Variants in MTX2 observed in about 807,000 individuals in gnomAD.
The protein encoded by MTX2 is metaxin 2, also known as metaxin-2.
MTX2 carries 35 observed loss-of-function variants against 42.3 expected under a neutral mutation model. That is an observed-to-expected ratio of 0.83 (90% CI 0.63 to 1.10). The LOEUF (loss-of-function observed/expected upper bound fraction) is 1.10, where lower values mean the gene tolerates loss of function less well. MTX2 is among the 50% of genes least tolerant of loss of function. The probability of loss-of-function intolerance (pLI) is 0.00; values close to 1 mark genes in which losing one functional copy is unlikely to be tolerated. For synonymous variants in MTX2, 119 were observed against 100.9 expected (o/e 1.18, Z -1.08); for missense variants, 307 against 304.1 (o/e 1.01, Z -0.07).
At chr2:176,279,492 A>G (rs921772378) in intron 1 of MTX2, among the ~76,000 whole-genome samples, 1 of 152,130 alleles carries the variant, frequency 6.6e-6, no homozygotes, top group Non-Finnish European at 1.5e-5. Flanking sequence ...TGGCATTATG[A>G]ATTATAAGTA....
At chr2:176,281,216 A>G (rs947041534) in intron 1 of MTX2, among the ~76,000 whole-genome samples, 7 of 152,176 alleles carry the variant, frequency 4.6e-5, no homozygotes, top group Non-Finnish European at 1.0e-4. Flanking sequence ...TTACTTATGT[A>G]TAGGGTGCTG....
intron 6 of MTX2, 24 bp from the exon 7 acceptor site, chr2:176,328,850 T>G (rs944167455): frequency 1.2e-6 from 2 of 1,600,524 alleles, no homozygotes; most frequent in African/African-American, 2.7e-5. Context: ...TTCTAAAGTT[T>G]AGTGACTGTT....
intron 3 of MTX2, among the ~76,000 whole-genome samples, chr2:176,301,254 A>G (rs981556700): frequency 1.3e-5 from 2 of 152,150 alleles, no homozygotes; most frequent in African/African-American, 4.8e-5. Context: ...CCTAGTGCAC[A>G]GTACTATTAT....
chr2:176,307,230 T>G (rs576887793), intron 3 of MTX2, among the ~76,000 whole-genome samples: 1 of 152,316 alleles, frequency 6.6e-6, no homozygotes, highest in African/African-American at 2.4e-5. Context: ...ATGTGTGGTG[T>G]TATTTCTGAG....
At chr2:176,336,241 C>T (rs1191791855) in intron 9 of MTX2, among the ~76,000 whole-genome samples, 3 of 151,962 alleles carry the variant, frequency 2.0e-5, no homozygotes, top group East Asian at 3.9e-4. Flanking sequence ...ATTGGTGATG[C>T]CCCATTTATA....
At chr2:176,326,965 C>G (rs1575060679) in intron 5 of MTX2, 64 bp downstream of exon 5, 1 of 948,354 alleles carries the variant, frequency 1.1e-6, no homozygotes, top group East Asian at 2.7e-5. Context: ...TTTAATGTGT[C>G]TTAACATTTA....
chr2:176,321,122 A>G (rs940306489), intron 3 of MTX2, among the ~76,000 whole-genome samples: 6 of 151,724 alleles, frequency 4.0e-5, no homozygotes, highest in African/African-American at 1.5e-4. Flanking sequence ...AAGGGAGGCA[A>G]CTCTTCTCCT....
At chr2:176,333,089 G>A (rs1398805529) in intron 9 of MTX2, among the ~76,000 whole-genome samples, 1 of 151,432 alleles carries the variant, frequency 6.6e-6, no homozygotes, top group Non-Finnish European at 1.5e-5. Context: ...AATAATGTAA[G>A]AAGGCATCAA....
intron 3 of MTX2, among the ~76,000 whole-genome samples, chr2:176,305,086 A>C (rs1201794740): frequency 6.6e-6 from 1 of 152,068 alleles, no homozygotes; most frequent in Non-Finnish European, 1.5e-5. Flanking sequence ...GCTTAGGTGC[A>C]ACTAAAGAGA....
chr2:176,337,294 A>G (rs1261090146), intron 9 of MTX2, among the ~76,000 whole-genome samples, 199 bp from the exon 10 acceptor site: 1 of 152,086 alleles, frequency 6.6e-6, no homozygotes, highest in Non-Finnish European at 1.5e-5. Context: ...CGCCCACCTC[A>G]GCCTCCCAAA....
intron 3 of MTX2, among the ~76,000 whole-genome samples, chr2:176,313,405 T>C (rs1431159140): frequency 2.0e-5 from 3 of 147,984 alleles, no homozygotes; most frequent in Non-Finnish European, 3.0e-5. Flanking sequence ...TTTTTTTTTT[T>C]TTTTGGAGAT....
At chr2:176,320,539 A>G (rs1463614485) in intron 3 of MTX2, among the ~76,000 whole-genome samples, 3 of 152,088 alleles carry the variant, frequency 2.0e-5, no homozygotes, top group Non-Finnish European at 4.4e-5. Context: ...TCTATTTCGT[A>G]AAATATGAGC....
chr2:176,290,524 G>A (rs1361359028), intron 1 of MTX2, among the ~76,000 whole-genome samples: 1 of 152,160 alleles, frequency 6.6e-6, no homozygotes, highest in Non-Finnish European at 1.5e-5. Flanking sequence ...GTCTGACCTT[G>A]GGAAAGAGAA....
At chr2:176,319,110 G>A (rs1482054330) in intron 3 of MTX2, among the ~76,000 whole-genome samples, 2 of 152,116 alleles carry the variant, frequency 1.3e-5, no homozygotes, top group Non-Finnish European at 2.9e-5. Context: ...TTCAACCGAG[G>A]AATAAGAGTT....
Position 176,329,286 on chromosome 2 carries a change from A to G in MTX2, c.418-15A>G. ...TAGGAAGGATCACCTTTTTTACAAA[A>G]TCTTTTTACTTTAGATCACTCATGC... On this transcript the variant is annotated splice_polypyrimidine_tract_variant and intron_variant, in intron 7 of 9. Coordinates refer to ENST00000249442, the MANE Select transcript of MTX2 (RefSeq NM_006554.5). The G allele has an allele frequency of 6.3e-7, 1 of 1,579,658 alleles. No homozygotes were observed. Among genetic ancestry groups the G allele is most frequent in the Non-Finnish European group, 8.6e-7 (1 of 1,166,018 alleles).
At chr2:176,312,127 A>G (rs906076404) in intron 3 of MTX2, among the ~76,000 whole-genome samples, 4 of 152,196 alleles carry the variant, frequency 2.6e-5, no homozygotes, top group African/African-American at 7.2e-5. Flanking sequence ...GTAACTATTG[A>G]TTTTTTAAAA....
chr2:176,311,314 C>T (rs972764301), intron 3 of MTX2, among the ~76,000 whole-genome samples: 19 of 152,120 alleles, frequency 1.2e-4, no homozygotes, highest in South Asian at 4.1e-4. Context: ...AGGTGTCTTT[C>T]GGCCCTTACT....
intron 4 of MTX2, among the ~76,000 whole-genome samples, chr2:176,324,588 A>G (rs1174580526): frequency 6.6e-6 from 1 of 151,674 alleles, no homozygotes; most frequent in African/African-American, 2.4e-5. Flanking sequence ...AGTCATACAA[A>G]CAGTTTGTAT....
Position 176,287,070 on chromosome 2 carries a change from A to G in MTX2, c.41-9790A>G, listed in dbSNP as rs150301119. Among the ~76,000 whole-genome samples the G allele has an allele frequency of 3.0e-3, 464 of 152,282 alleles. 5 individuals are homozygous for G. The highest frequency in any genetic ancestry group is 0.01 in the African/African-American group (421 of 41,544). On this transcript the variant is annotated intron_variant, in intron 1 of 9. Transcript: ENST00000249442. ...TTAAGCCTTGTTATATGTATACCAGATAATATTGTCATAATGAGGTAGACT... is the reference window on the plus strand; with the variant it reads ...TTAAGCCTTGTTATATGTATACCAGGTAATATTGTCATAATGAGGTAGACT...
Sources: allele counts gnomAD v4.1 joint callset (sites outside exome capture counted in the v4.1 genomes callset), GRCh38; gene constraint gnomAD v4.1.1; transcripts MANE v1.5; gene names NCBI Gene and HGNC (gene_info 2026-07-23, HGNC 2026-07-21).